The following MYO9A variants were observed in gnomAD, a reference collection of about 807,000 sequenced individuals.
MYO9A encodes myosin IXA, also known as unconventional myosin-IXa.
Under a neutral mutation model 293.3 loss-of-function variants are expected in MYO9A, and 103 were observed. The observed-to-expected ratio is 0.35, with a 90% CI of 0.30 to 0.41. MYO9A has a LOEUF of 0.41. Among genes scored for constraint, MYO9A ranks in the 10% least tolerant of loss-of-function variants. The pLI, the probability that MYO9A is intolerant of heterozygous loss-of-function variation, is 1.00. For missense variants in MYO9A, 2,685 were observed against 3,033.0 expected (o/e 0.89, Z 2.69); for synonymous variants, 1,001 against 1,035.7 (o/e 0.97, Z 0.64).
chr15:71,888,079 T>G lies in MYO9A; in HGVS notation c.5180A>C (p.Lys1727Thr). Residue 1727 changes from lysine to threonine, a missense_variant, in exon 27 of 42, where the codon AAA becomes ACA. Lys to Thr is a moderately conservative substitution (Grantham distance 78). Coordinates refer to ENST00000356056, the MANE Select transcript of MYO9A (RefSeq NM_006901.4). ...QRFSSVDEQAKLHKTMSQGEI... is the reference protein window; with the variant it reads ...QRFSSVDEQATLHKTMSQGEI... ...TCCTTGAGACATAGTCTTATGAAGT[T>G]TTGCTTGTTCATCAACTGACGAAAA... 1 of 1,610,524 alleles carries G rather than the reference T, an allele frequency of 6.2e-7. No homozygotes were observed. The highest frequency in any genetic ancestry group is 8.5e-7 in the Non-Finnish European group (1 of 1,178,334).
chr15:71,840,088 G>A (rs1171980135), intron 39 of MYO9A, among the ~76,000 whole-genome samples: 2 of 152,152 alleles, frequency 1.3e-5, no homozygotes, highest in South Asian at 2.1e-4. Flanking sequence ...TTGATAAATC[G>A]CATCTGGAGA....
intron 1 of MYO9A, among the ~76,000 whole-genome samples, chr15:72,091,171 C>T (rs2079894941): frequency 6.6e-6 from 1 of 151,134 alleles, no homozygotes; most frequent in African/African-American, 2.4e-5. Context: ...TGCACCACAG[C>T]CTGCATAACA....
intron 2 of MYO9A, chr15:72,039,899 G>T: frequency 6.1e-6 from 1 of 164,372 alleles, no homozygotes; most frequent in South Asian, 1.5e-4. Flanking sequence ...AGCCCCTGGT[G>T]ACTTTGTCAC....
chr15:71,992,124 T>C (rs1036521996), intron 10 of MYO9A, among the ~76,000 whole-genome samples: 4 of 152,024 alleles, frequency 2.6e-5, no homozygotes, highest in East Asian at 1.9e-4. Context: ...AAATGTTGAA[T>C]AGTGCTAAAA....
chr15:71,956,999 T>C (rs183818995), intron 14 of MYO9A, among the ~76,000 whole-genome samples: 35 of 152,146 alleles, frequency 2.3e-4, no homozygotes, highest in Admixed American at 7.2e-4. Context: ...CATTCATCAG[T>C]TGATGGAACA....
chr15:71,885,803 G>T (rs1434200892), intron 27 of MYO9A, among the ~76,000 whole-genome samples: 3 of 152,008 alleles, frequency 2.0e-5, no homozygotes, highest in Non-Finnish European at 4.4e-5. Flanking sequence ...TCTTTCCAAA[G>T]TTCCTACCAT....
At chr15:71,943,368 G>A (rs1029693753) in intron 15 of MYO9A, among the ~76,000 whole-genome samples, 3 of 151,962 alleles carry the variant, frequency 2.0e-5, no homozygotes, top group African/African-American at 4.8e-5. Context: ...TCACCAAAAT[G>A]CATGCCAGTA....
intron 1 of MYO9A, among the ~76,000 whole-genome samples, chr15:72,096,172 A>G (rs2080056850): frequency 1.3e-5 from 2 of 150,064 alleles, no homozygotes; most frequent in South Asian, 4.2e-4. Flanking sequence ...AAAAAAAAAA[A>G]AAAAGAAAAA....
chr15:71,962,878 G>T (rs1265287946), intron 13 of MYO9A, among the ~76,000 whole-genome samples: 1 of 152,108 alleles, frequency 6.6e-6, no homozygotes, highest in African/African-American at 2.4e-5. Context: ...TTTTCAAAAT[G>T]AAATAATCTG....
At chr15:72,038,189 C>G (rs987270927) in intron 2 of MYO9A, among the ~76,000 whole-genome samples, 1 of 152,172 alleles carries the variant, frequency 6.6e-6, no homozygotes, top group Non-Finnish European at 1.5e-5. Flanking sequence ...TCCCAAAGTG[C>G]TGGGATTACA....
intron 28 of MYO9A, among the ~76,000 whole-genome samples, chr15:71,882,196 C>T (rs943549027): frequency 6.6e-5 from 10 of 152,086 alleles, no homozygotes; most frequent in Non-Finnish European, 1.2e-4. Flanking sequence ...AGCTTTCTTC[C>T]GAGGACCTCT....
chr15:72,029,874 T>C (rs1345334043), intron 3 of MYO9A, among the ~76,000 whole-genome samples: 1 of 152,186 alleles, frequency 6.6e-6, no homozygotes, highest in East Asian at 1.9e-4. Flanking sequence ...ACAAACCTCT[T>C]AGAGGCCAGA....
intron 40 of MYO9A, 73 bp from the exon 41 acceptor site, chr15:71,828,099 C>A: frequency 6.6e-7 from 1 of 1,506,256 alleles, no homozygotes; most frequent in South Asian, 1.3e-5. Flanking sequence ...AAAAGATCCT[C>A]CATGGAAGTC....
chr15:71,865,367 T>C (rs927956938), intron 32 of MYO9A, among the ~76,000 whole-genome samples: 3 of 152,236 alleles, frequency 2.0e-5, no homozygotes, highest in East Asian at 1.9e-4. Flanking sequence ...TGAATTTTCA[T>C]AGCAGCATTA....
intron 1 of MYO9A, chr15:72,117,214 T>A (rs561601635): frequency 6.6e-6 from 1 of 152,030 alleles, no homozygotes; most frequent in Non-Finnish European, 1.5e-5. Flanking sequence ...ATGGCTAGGG[T>A]TAGTGCTAGT....
At chr15:71,978,828 A>C (rs1399990530) in intron 11 of MYO9A, among the ~76,000 whole-genome samples, 1 of 151,636 alleles carries the variant, frequency 6.6e-6, no homozygotes, top group East Asian at 1.9e-4. Flanking sequence ...AAAAAACTCG[A>C]GGTTCAGGTC....
chr15:71,875,994 T>C (rs768328461), intron 31 of MYO9A, among the ~76,000 whole-genome samples, 156 bp from the exon 32 acceptor site: 2 of 152,170 alleles, frequency 1.3e-5, no homozygotes, highest in Non-Finnish European at 2.9e-5. Flanking sequence ...TAAGCAAATG[T>C]GAGAAAAAAT....
intron 1 of MYO9A, among the ~76,000 whole-genome samples, chr15:72,095,983 T>C (rs536221075): frequency 1.3e-4 from 20 of 151,756 alleles, no homozygotes; most frequent in African/African-American, 4.8e-4. Context: ...CCTGGCCAAC[T>C]TGGAAAAACC....
At chr15:71,987,531 C>A (rs1449924931) in intron 11 of MYO9A, among the ~76,000 whole-genome samples, 1 of 152,154 alleles carries the variant, frequency 6.6e-6, no homozygotes, top group Non-Finnish European at 1.5e-5. Context: ...CCAGAATCAA[C>A]CCTGGAAAAT....
Sources: allele counts gnomAD v4.1 joint callset (sites outside exome capture counted in the v4.1 genomes callset), GRCh38; gene constraint gnomAD v4.1.1; transcripts MANE v1.5; gene names NCBI Gene and HGNC (gene_info 2026-07-23, HGNC 2026-07-21).